Variants in ACTN1 observed in about 807,000 individuals in gnomAD.
ACTN1 encodes the protein alpha-actinin-1.
In ACTN1, 30 loss-of-function variants were observed where a neutral mutation model predicts 119.6. That is an observed-to-expected ratio of 0.25 (90% CI 0.19 to 0.34). The LOEUF (loss-of-function observed/expected upper bound fraction) is 0.34, where lower values mean the gene tolerates loss of function less well. Among genes scored for constraint, ACTN1 ranks in the 10% least tolerant of loss-of-function variants. The probability of loss-of-function intolerance (pLI) is 1.00; values close to 1 mark genes in which losing one functional copy is unlikely to be tolerated. For synonymous variants in ACTN1, 429 were observed against 472.6 expected, an observed-to-expected ratio of 0.91 and a Z score of 1.20; for missense variants, 764 against 1,223.4, an observed-to-expected ratio of 0.62 and a Z score of 5.60.
At chr14:68,933,930 T>C (rs1178105147) in intron 1 of ACTN1, among the ~76,000 whole-genome samples, 1 of 151,410 alleles carries the variant, frequency 6.6e-6, no homozygotes, top group Non-Finnish European at 1.5e-5. Flanking sequence ...AGAGCCATGA[T>C]TGTGTCACTA....
At chr14:68,959,696 G>A (rs544232922) in intron 1 of ACTN1, among the ~76,000 whole-genome samples, 17 of 152,294 alleles carry the variant, frequency 1.1e-4, no homozygotes, top group African/African-American at 4.1e-4. Flanking sequence ...GTAGAATGGT[G>A]GTTACTAGAG....
At chr14:68,910,899 C>G (rs1399591180) in intron 4 of ACTN1, among the ~76,000 whole-genome samples, 1 of 152,214 alleles carries the variant, frequency 6.6e-6, no homozygotes, top group Non-Finnish European at 1.5e-5. Flanking sequence ...TTTGCTCTCC[C>G]TTGCTCTTCT....
At chr14:68,932,278 C>T (rs2035255759) in intron 1 of ACTN1, among the ~76,000 whole-genome samples, 1 of 151,512 alleles carries the variant, frequency 6.6e-6, no homozygotes, top group Admixed American at 6.6e-5. Context: ...CTGGCTGAGT[C>T]TCCCAGCCTC....
At chr14:68,889,636 C>T (rs181481) in intron 11 of ACTN1, among the ~76,000 whole-genome samples, 89,736 of 152,094 alleles carry the variant, frequency 0.59, 27,361 homozygotes, top group African/African-American at 0.73. Flanking sequence ...ATACAAAAAT[C>T]AGCTGGGAAT....
intron 1 of ACTN1, among the ~76,000 whole-genome samples, chr14:68,939,107 C>T (rs1289439909): frequency 6.6e-6 from 1 of 152,172 alleles, no homozygotes; most frequent in African/African-American, 2.4e-5. Flanking sequence ...TCCCTGCCAT[C>T]CAAGGCCCCC....
At chr14:68,978,581 A>G (rs1383828272) in intron 1 of ACTN1, 3 of 288,446 alleles carry the variant, frequency 1.0e-5, no homozygotes, top group South Asian at 3.1e-5. Flanking sequence ...ATCGATCCGG[A>G]GCAAGCAGCC....
rs1295993152 is a variant in ACTN1, at chr14:68,880,889, A to G, written c.2054T>C (p.Ile685Thr). The G allele has an allele frequency of 1.2e-6, 2 of 1,614,034 alleles. No individual in the cohort carries two copies. Among genetic ancestry groups the G allele is most frequent in the South Asian group, 1.1e-5 (1 of 91,078 alleles). ...CTGGTGGTCGCCCTCCAGCTGATCA[A>G]TCTTTGGCTTGTAGTTGACGATGCT... ...EKSIVNYKPK[I>T]DQLEGDHQLI... Residue 685 changes from isoleucine to threonine, a missense_variant, in exon 17 of 22, where the codon ATT (isoleucine) becomes ACT (threonine). Physicochemically the swap from Ile to Thr is moderately conservative, Grantham distance 89 (BLOSUM62 -1). Around this residue, in one of 4 missense-constraint regions of ACTN1, gnomAD observed 544 missense variants for 912.0 expected, o/e 0.60. Coordinates refer to ENST00000394419, the MANE Select transcript of ACTN1 (RefSeq NM_001130004.2). The surrounding 1 kb of genome is among the most constrained non-coding windows in gnomAD (Gnocchi z 4.6).
chr14:68,940,283 G>A (rs1436269723), intron 1 of ACTN1, among the ~76,000 whole-genome samples: 1 of 152,178 alleles, frequency 6.6e-6, no homozygotes, highest in East Asian at 1.9e-4. Context: ...GATGCTGAGA[G>A]CTCTGGGTCA....
intron 3 of ACTN1, among the ~76,000 whole-genome samples, chr14:68,916,498 T>G (rs556207090): frequency 6.6e-6 from 1 of 152,330 alleles, no homozygotes; most frequent in South Asian, 2.1e-4. Flanking sequence ...AGCACGAGCA[T>G]AGAGAGTAGG....
intron 1 of ACTN1, among the ~76,000 whole-genome samples, chr14:68,962,892 C>G (rs1375301075): frequency 1.3e-5 from 2 of 152,210 alleles, no homozygotes. Context: ...CAGCCACGCA[C>G]TGAGCAGGTC....
chr14:68,933,980 GAAA>G (rs60158948), intron 1 of ACTN1, among the ~76,000 whole-genome samples: 44 of 119,730 alleles, frequency 3.7e-4, no homozygotes, highest in South Asian at 1.2e-3. Context: ...CCTGTCTCAA[GAAA>G]AAAAAAAAAA....
Position 68,880,201 on chromosome 14 carries a change from C to T in ACTN1, c.2134-93G>A. On this transcript the variant is annotated intron_variant, in intron 17 of 21. Transcript: ENST00000394419. This position sits in a 1 kb window ranked among gnomAD's most constrained non-coding sequence, Gnocchi z 4.6. ...TCCTACTCCCCAACCATCAAAATGG[C>T]CAAAGCCATCAAACTTGGCCTTCTG... is the stretch of plus-strand genomic sequence containing the variant. 2 of 1,495,342 alleles carry T rather than the reference C, an allele frequency of 1.3e-6. No homozygotes were observed. The highest frequency in any genetic ancestry group is 9.0e-7 in the Non-Finnish European group (1 of 1,110,320). The allele number at this position is 1,495,342 out of a possible 1,614,324, so 92.6% of individuals were successfully genotyped here.
chr14:68,949,621 T>A (rs1323981752), intron 1 of ACTN1, among the ~76,000 whole-genome samples: 2 of 152,142 alleles, frequency 1.3e-5, no homozygotes, highest in African/African-American at 4.8e-5. Flanking sequence ...ACAAAAAAAT[T>A]AAATGCAAGG....
At position 68,878,674 on chromosome 14, in the gene ACTN1, G is replaced by A. The variant is rs1286654032; in HGVS notation, c.2362-151C>T. On this transcript the variant is annotated intron_variant, in intron 19 of 21. Transcript: ENST00000394419. The surrounding 1 kb of genome is among the most constrained non-coding windows in gnomAD (Gnocchi z 4.4). ...TCAGGATAGGTAAAGGAACATAGGAGAAGATGCGAACACACATCGGTGGAA... is the reference window on the plus strand; with the variant it reads ...TCAGGATAGGTAAAGGAACATAGGAAAAGATGCGAACACACATCGGTGGAA... The A allele has an allele frequency of 9.1e-6, 14 of 1,541,822 alleles. No individual in the cohort carries two copies. The highest frequency in any genetic ancestry group is 2.7e-5 in the African/African-American group (2 of 73,062).
In ACTN1 at chr14:68,910,960, C is replaced by T. The variant is rs2033972931; in HGVS notation, c.428-918G>A. On this transcript the variant is annotated intron_variant, in intron 4 of 21. Coordinates refer to ENST00000394419, the MANE Select transcript of ACTN1 (RefSeq NM_001130004.2). Reference sequence around the variant, plus strand: ...CATGTGGAACTGTGAGTCCATTAAACCTCTTTTTATTTATAAATTACCCAG... The same window carrying T: ...CATGTGGAACTGTGAGTCCATTAAATCTCTTTTTATTTATAAATTACCCAG... Among the ~76,000 whole-genome samples, 3 of 152,180 alleles carry T rather than the reference C, an allele frequency of 2.0e-5. No homozygotes were observed. In the South Asian group the frequency reaches 6.2e-4, roughly 32 times the overall value.
rs761305316 is a variant in ACTN1 at position 68,874,943 on chromosome 14, G to A, written c.2661C>T (p.Ala887=). 9 of 1,613,324 alleles carry A rather than the reference G, an allele frequency of 5.6e-6. No individual in the cohort carries two copies. Among genetic ancestry groups the A allele is most frequent in the South Asian group, 1.1e-5 (1 of 91,074 alleles). ...DQAEYCIARM[A]PYTGPDSVPG... is the part of the protein sequence containing the mutation. ...GCACGGAGTCGGGGCCGGTGTAGGG[G>A]GCCATCCGCGCGATGCAGTACTCAG... Residue 887 remains alanine (A), a synonymous_variant, in exon 22 of 22, where the codon GCC becomes GCT. Transcript: ENST00000394419.
chr14:68,969,314 C>T (rs982185568), intron 1 of ACTN1, among the ~76,000 whole-genome samples: 3 of 152,300 alleles, frequency 2.0e-5, no homozygotes, highest in African/African-American at 7.2e-5. Context: ...CACCAGTATC[C>T]GAGATGAAGG....
chr14:68,888,034 GGGCTTTTCCTTGGC>G, intron 11 of ACTN1: 1 of 734,442 alleles, frequency 1.4e-6, no homozygotes, highest in Non-Finnish European at 2.6e-6. Flanking sequence ...ATCTCCTCTT[GGGCTTTTCCTTGGC>G]GGCTCCTTCA....
chr14:68,936,764 A>G, intron 1 of ACTN1: 4 of 616,470 alleles, frequency 6.5e-6, no homozygotes, highest in South Asian at 5.5e-5. Context: ...AGAAAACTGA[A>G]GACCTCTTCC....
Sources: gnomAD v4.1 joint callset for allele counts (sites outside exome capture counted in the v4.1 genomes callset) on GRCh38, gnomAD v4.1.1 for gene constraint, gnomAD v4.1.1 regional missense constraint, Gnocchi (gnomAD v3.1) non-coding constraint, MANE v1.5 for transcripts, NCBI Gene and HGNC (gene_info 2026-07-23, HGNC 2026-07-21) for gene names.